SLC25A13: variants seen among roughly 807,000 people sequenced by gnomAD.
The protein encoded by SLC25A13 is electrogenic aspartate/glutamate antiporter SLC25A13, mitochondrial.
A neutral mutation model predicts 85.5 loss-of-function variants in SLC25A13; 70 were observed. That is an observed-to-expected ratio of 0.82 (90% confidence interval 0.68 to 1.00). The LOEUF is 1.00. SLC25A13 is among the 50% of genes least tolerant of loss of function. The pLI is 0.00. For missense variants in SLC25A13, 765 were observed against 819.8 expected, an observed-to-expected ratio of 0.93 and a Z score of 0.82; for synonymous variants, 259 against 288.7, an observed-to-expected ratio of 0.90 and a Z score of 1.04.
At chr7:96,269,339 G>A (rs1467415781) in intron 3 of SLC25A13, among the ~76,000 whole-genome samples, 1 of 152,196 alleles carries the variant, frequency 6.6e-6, no homozygotes, top group African/African-American at 2.4e-5. Context: ...AAGGCCGTAA[G>A]TGCACAGGCA....
At chr7:96,283,075 A>G (rs1315922485) in intron 2 of SLC25A13, among the ~76,000 whole-genome samples, 3 of 152,212 alleles carry the variant, frequency 2.0e-5, no homozygotes, top group East Asian at 3.8e-4. Context: ...ACAAGCCTTA[A>G]TATGTTCTAA....
intron 1 of SLC25A13, among the ~76,000 whole-genome samples, chr7:96,308,351 A>T (rs924494902): frequency 4.6e-5 from 7 of 152,236 alleles, no homozygotes; most frequent in African/African-American, 1.7e-4. Flanking sequence ...AGCAGCAGAT[A>T]CCTGACCCCT....
chr7:96,243,098 G>T, intron 3 of SLC25A13, among the ~76,000 whole-genome samples: 1 of 152,072 alleles, frequency 6.6e-6, no homozygotes, highest in Non-Finnish European at 1.5e-5. Flanking sequence ...CTGAGAAGCT[G>T]GGGATTACAG....
intron 4 of SLC25A13, among the ~76,000 whole-genome samples, chr7:96,209,588 T>A (rs1389633308): frequency 6.6e-6 from 1 of 152,118 alleles, no homozygotes. Flanking sequence ...GTCTTTGATT[T>A]TCTACTGCAC....
At chr7:96,257,444 CAAAT>C in intron 3 of SLC25A13, among the ~76,000 whole-genome samples, 1 of 152,290 alleles carries the variant, frequency 6.6e-6, no homozygotes, top group South Asian at 2.1e-4. Flanking sequence ...CACTTCCACA[CAAAT>C]AAACTAGAAA....
At chr7:96,300,943 CTTGTT>C (rs1375854439) in intron 1 of SLC25A13, among the ~76,000 whole-genome samples, 4 of 152,154 alleles carry the variant, frequency 2.6e-5, no homozygotes, top group African/African-American at 4.8e-5. Flanking sequence ...TTCCTATCTT[CTTGTT>C]TTAAGTGTCA....
chr7:96,135,675 C>T (rs1198046995), intron 14 of SLC25A13, among the ~76,000 whole-genome samples: 2 of 152,078 alleles, frequency 1.3e-5, no homozygotes, highest in Admixed American at 6.5e-5. Flanking sequence ...AGAGATCAGC[C>T]ATTCTGAAAA....
intron 3 of SLC25A13, among the ~76,000 whole-genome samples, chr7:96,265,299 T>C (rs1798007255): frequency 6.6e-6 from 1 of 152,212 alleles, no homozygotes; most frequent in Non-Finnish European, 1.5e-5. Context: ...ATCCAAATGT[T>C]AGGAAACTTC....
intron 3 of SLC25A13, among the ~76,000 whole-genome samples, chr7:96,249,324 G>A (rs1157201960): frequency 6.6e-6 from 1 of 152,120 alleles, no homozygotes; most frequent in African/African-American, 2.4e-5. Context: ...GCAAGATCTG[G>A]TAAAGAAAAA....
At chr7:96,160,056 A>G (rs1008385508) in intron 13 of SLC25A13, among the ~76,000 whole-genome samples, 10 of 152,208 alleles carry the variant, frequency 6.6e-5, no homozygotes, top group Admixed American at 5.2e-4. Context: ...ATACATGTGT[A>G]TTTTGACTAC....
chr7:96,269,817 T>A (rs1195573607), intron 3 of SLC25A13, among the ~76,000 whole-genome samples: 2 of 152,200 alleles, frequency 1.3e-5, no homozygotes, highest in African/African-American at 4.8e-5. Context: ...ACAATATGGA[T>A]GAACCTGAAG....
chr7:96,218,750 G>A (rs564296916), intron 4 of SLC25A13, among the ~76,000 whole-genome samples: 3 of 152,224 alleles, frequency 2.0e-5, no homozygotes, highest in African/African-American at 7.2e-5. Flanking sequence ...ACACAAAAGG[G>A]ATGTTTGTGT....
chr7:96,225,985 C>T (rs1796316004), intron 4 of SLC25A13, among the ~76,000 whole-genome samples: 1 of 152,080 alleles, frequency 6.6e-6, no homozygotes, highest in East Asian at 1.9e-4. Flanking sequence ...AATTACCTCA[C>T]CTCTTTCAAA....
At chr7:96,262,027 A>T (rs569359585) in intron 3 of SLC25A13, among the ~76,000 whole-genome samples, 150 of 152,300 alleles carry the variant, frequency 9.8e-4, no homozygotes, top group African/African-American at 3.5e-3. Flanking sequence ...GTTGCAATAG[A>T]CTAAGTTTCC....
chr7:96,222,636 G>A (rs1323633685), intron 4 of SLC25A13, among the ~76,000 whole-genome samples: 2 of 151,994 alleles, frequency 1.3e-5, no homozygotes, highest in Non-Finnish European at 2.9e-5. Context: ...AGTAGCGACG[G>A]GGTTTCACCG....
chr7:96,275,996 G>A (rs1798435712), intron 3 of SLC25A13, among the ~76,000 whole-genome samples: 1 of 152,196 alleles, frequency 6.6e-6, no homozygotes, highest in Non-Finnish European at 1.5e-5. Flanking sequence ...TCAAACTGCT[G>A]CATGTGGGAA....
chr7:96,286,528 C>T (rs969280042), intron 2 of SLC25A13, among the ~76,000 whole-genome samples: 3 of 152,144 alleles, frequency 2.0e-5, no homozygotes, highest in African/African-American at 7.2e-5. Context: ...GTAATTCAAA[C>T]ATTACCACCT....
intron 1 of SLC25A13, chr7:96,306,802 A>C (rs1393128383): frequency 7.4e-7 from 1 of 1,354,104 alleles, no homozygotes; most frequent in East Asian, 2.3e-5. Context: ...TATCATCTCT[A>C]CCCCCAGGGA....
intron 2 of SLC25A13, among the ~76,000 whole-genome samples, chr7:96,288,637 C>G (rs995499299): frequency 6.6e-6 from 1 of 152,198 alleles, no homozygotes; most frequent in Non-Finnish European, 1.5e-5. Flanking sequence ...GCGCCTCGCT[C>G]GGAGGGTCCC....
Sources: gnomAD v4.1 joint callset for allele counts (sites outside exome capture counted in the v4.1 genomes callset) on GRCh38, gnomAD v4.1.1 for gene constraint, MANE v1.5 for transcripts, NCBI Gene and HGNC (gene_info 2026-07-23, HGNC 2026-07-21) for gene names.